Variants in LDB3 observed in about 807,000 individuals in gnomAD.
LDB3 encodes LIM domain-binding protein 3.
Under a neutral mutation model 69.0 loss-of-function variants are expected in LDB3, and 49 were observed. That is an observed-to-expected ratio of 0.71 (90% CI 0.56 to 0.90). LDB3 has a LOEUF of 0.90. LDB3 is among the 40% of genes least tolerant of loss of function. The pLI is 0.00. For missense variants in LDB3, 928 were observed against 974.1 expected (o/e 0.95, Z 0.63); for synonymous variants, 387 against 396.2 (o/e 0.98, Z 0.28).
intron 9 of LDB3, among the ~76,000 whole-genome samples, chr10:86,713,465 G>A (rs1366965486): frequency 2.0e-5 from 3 of 152,078 alleles, no homozygotes; most frequent in Admixed American, 6.6e-5. Flanking sequence ...GGCTGATCTC[G>A]AACTCCTAAC....
Position 86,699,205 on chromosome 10 carries a change from C to A in LDB3, c.896+6634C>A. 6.4e-7 allele frequency: 1 copy of A among 1,572,976 alleles called. No homozygotes were observed. Among genetic ancestry groups the A allele is most frequent in the Non-Finnish European group, 8.7e-7 (1 of 1,146,402 alleles). ...ACATTCCCTAACCCCTTTCATTCTC[C>A]CTCTCTTCTCTCTCTTTCTGTCTCT... On this transcript the variant is annotated intron_variant, in intron 7 of 13. Coordinates refer to ENST00000361373, the MANE Select transcript of LDB3 (RefSeq NM_007078.3). This position sits in a 1 kb window ranked among gnomAD's most constrained non-coding sequence, Gnocchi z 4.9.
chr10:86,709,700 C>T (rs745811747), intron 8 of LDB3, among the ~76,000 whole-genome samples: 1 of 152,222 alleles, frequency 6.6e-6, no homozygotes, highest in Non-Finnish European at 1.5e-5. Context: ...TCTCCAAAGG[C>T]GGTGGCACTA....
Position 86,681,156 on chromosome 10 carries a change from A to AC in LDB3, c.322-279dup, listed in dbSNP as rs140722741. On this transcript the variant is annotated intron_variant, in intron 4 of 13. Transcript: ENST00000361373. Reference sequence around the variant, plus strand: ...GGGCCATCCCCTGACCCCTACACCCACTTCCTCGGGCCCTGGGGGCAGGAA... The same window carrying AC: ...GGGCCATCCCCTGACCCCTACACCCACCTTCCTCGGGCCCTGGGGGCAGGAA... 0.021 allele frequency among the ~76,000 whole-genome samples: 3,195 copies of AC among 152,266 alleles called. 112 individuals carry two copies. The highest frequency in any genetic ancestry group is 0.074 in the African/African-American group (3,071 of 41,552).
chr10:86,679,232 TG>T, intron 2 of LDB3, 134 bp from the exon 3 acceptor site: 1 of 1,047,546 alleles, frequency 9.5e-7, no homozygotes, highest in Non-Finnish European at 1.5e-6. Flanking sequence ...GGTTAGCAGC[TG>T]GTACTGGCCG....
intron 13 of LDB3, among the ~76,000 whole-genome samples, chr10:86,730,409 T>C (rs1170213049): frequency 2.1e-5 from 3 of 145,398 alleles, no homozygotes; most frequent in Non-Finnish European, 4.6e-5. Flanking sequence ...TGTGATTTCC[T>C]GGCAGACTCT....
Position 86,681,583 on chromosome 10 carries a change from G to A in LDB3, c.469G>A (p.Glu157Lys), listed in dbSNP as rs770678454. 1.4e-5 allele frequency: 22 copies of A among 1,612,988 alleles called. No homozygotes were observed. Among genetic ancestry groups the A allele is most frequent in the South Asian group, 3.3e-5 (3 of 91,072 alleles). The change falls in exon 5 of 14, where the codon GAG (glutamate) becomes AAG (lysine). Residue 157 changes from glutamate to lysine, a missense_variant. Physicochemically the swap from Glu to Lys is moderately conservative, Grantham distance 56. Transcript: ENST00000361373. ...SRPSAFSSLA[E>K]ASDPGPPRAS... ...GCCCTCCGCCTTCTCCTCACTCGCC[G>A]AGGCCTCTGACCCTGGCCCTCCGCG...
chr10:86,733,035 G>A lies in LDB3; in HGVS notation c.*59G>A, dbSNP rs1554870832. 8.6e-7 allele frequency: 1 copy of A among 1,165,196 alleles called. No homozygotes were observed. The highest frequency in any genetic ancestry group is 1.3e-6 in the Non-Finnish European group (1 of 785,358). The allele number at this position is 1,165,196 out of a possible 1,614,324, so 72.2% of individuals were successfully genotyped here. On this transcript the variant is annotated 3_prime_UTR_variant, in exon 14 of 14. Coordinates refer to ENST00000361373, the MANE Select transcript of LDB3 (RefSeq NM_007078.3). ...AGCTGCTCCTGCTGCTGGCAACAAA[G>A]GATTCGGGAGGCTGATGTTTCTTCT...
At chr10:86,667,681 C>T (rs1844233195), upstream of LDB3, among the ~76,000 whole-genome samples, 1 of 152,222 alleles carries the variant, frequency 6.6e-6, no homozygotes, top group Admixed American at 6.5e-5. Context: ...ATGCTGCCGT[C>T]AAGTTTTCCA....
At chr10:86,715,986 C>G (rs2132480450) in intron 9 of LDB3, among the ~76,000 whole-genome samples, 1 of 152,274 alleles carries the variant, frequency 6.6e-6, no homozygotes, top group South Asian at 2.1e-4. Context: ...CCACCTCTCC[C>G]CGCCCAGGTA....
chr10:86,675,193 G>A (rs1349293868), intron 2 of LDB3, among the ~76,000 whole-genome samples: 1 of 152,172 alleles, frequency 6.6e-6, no homozygotes, highest in Non-Finnish European at 1.5e-5. Context: ...CATCCCCCCG[G>A]CCCATACCTG....
chr10:86,723,378 A>G (rs1847152599), intron 12 of LDB3, among the ~76,000 whole-genome samples: 1 of 151,372 alleles, frequency 6.6e-6, no homozygotes, highest in Non-Finnish European at 1.5e-5. Flanking sequence ...CCATCTCATC[A>G]CTCTTGGTTG....
chr10:86,674,677 T>C (rs558886890), intron 2 of LDB3, among the ~76,000 whole-genome samples: 1 of 152,266 alleles, frequency 6.6e-6, no homozygotes, highest in South Asian at 2.1e-4. Flanking sequence ...GGCATTTAAA[T>C]GCTCAAAGGC....
chr10:86,701,904 C>T (rs1846274472), intron 7 of LDB3, among the ~76,000 whole-genome samples: 1 of 152,222 alleles, frequency 6.6e-6, no homozygotes, highest in South Asian at 2.1e-4. Flanking sequence ...ATTTTGAATG[C>T]ATTCTGAAGG....
chr10:86,715,418 G>T (rs1846830578), intron 9 of LDB3, among the ~76,000 whole-genome samples: 1 of 152,200 alleles, frequency 6.6e-6, no homozygotes. Context: ...TGAGGGCCCA[G>T]GCGGGAGAGG....
chr10:86,697,717 C>G (rs1216429574), intron 7 of LDB3, among the ~76,000 whole-genome samples: 2 of 151,324 alleles, frequency 1.3e-5, no homozygotes, highest in Admixed American at 1.3e-4. Context: ...TCACACCTGG[C>G]TAACTTTTGT....
At chr10:86,687,991 A>G (rs1462534722) in intron 5 of LDB3, among the ~76,000 whole-genome samples, 2 of 149,474 alleles carry the variant, frequency 1.3e-5, no homozygotes, top group African/African-American at 4.9e-5. Context: ...CTCTCTCTGT[A>G]TGTCTCTTTC....
chr10:86,695,442 C>A (rs1297292585), intron 7 of LDB3, among the ~76,000 whole-genome samples: 1 of 152,168 alleles, frequency 6.6e-6, no homozygotes, highest in African/African-American at 2.4e-5. Flanking sequence ...GCTGGCTAGC[C>A]CAAGACAGAG....
At chr10:86,679,664 A>G in intron 3 of LDB3, 146 bp downstream of exon 3, 1 of 937,626 alleles carries the variant, frequency 1.1e-6, no homozygotes, top group Non-Finnish European at 1.7e-6. Flanking sequence ...GCCCTGGGCC[A>G]GAGGAATGAA....
chr10:86,716,513 C>A lies in LDB3; in HGVS notation c.1418C>A (p.Pro473His), dbSNP rs780427609. The change falls in exon 10 of 14, where the codon CCC (proline) becomes CAC (histidine). Residue 473 changes from proline to histidine, a missense_variant. Coordinates refer to ENST00000361373, the MANE Select transcript of LDB3 (RefSeq NM_007078.3). ...CCTGCCCCCAACTATAACCCTGCAC[C>A]CTCGGTGGCCTACAGCGGGGGCCCT... Reference protein sequence around the residue: ...PSPAPNYNPAPSVAYSGGPAE... With the variant: ...PSPAPNYNPAHSVAYSGGPAE... The A allele has an allele frequency of 2.5e-6, 4 of 1,613,032 alleles. No homozygotes were observed. In the African/African-American group the frequency reaches 5.4e-5, roughly 22 times the overall value.
Sources: gnomAD v4.1 joint callset for allele counts (sites outside exome capture counted in the v4.1 genomes callset) on GRCh38, gnomAD v4.1.1 for gene constraint, Gnocchi (gnomAD v3.1) non-coding constraint, MANE v1.5 for transcripts, NCBI Gene and HGNC (gene_info 2026-07-23, HGNC 2026-07-21) for gene names.